TEAD1: variants seen among roughly 807,000 people sequenced by gnomAD.
TEAD1 encodes the protein TEA domain transcription factor 1.
TEAD1 carries 9 observed loss-of-function variants against 54.9 expected under a neutral mutation model. That is an observed-to-expected ratio of 0.16 (90% confidence interval 0.10 to 0.29). TEAD1 has a LOEUF of 0.29. Ranked by LOEUF, TEAD1 falls within the 10% of genes least tolerant of loss-of-function variation. The pLI is 1.00. For synonymous variants in TEAD1, 200 were observed against 187.8 expected (o/e 1.07, Z -0.53); for missense variants, 387 against 535.9 (o/e 0.72, Z 2.74).
intron 2 of TEAD1, among the ~76,000 whole-genome samples, chr11:12,704,716 C>T (rs560134210): frequency 6.6e-6 from 1 of 152,306 alleles, no homozygotes; most frequent in South Asian, 2.1e-4. Context: ...ATCTTTGTAT[C>T]CTGCTTGGCA....
At chr11:12,770,661 T>C (rs1392604842) in intron 3 of TEAD1, among the ~76,000 whole-genome samples, 4 of 152,202 alleles carry the variant, frequency 2.6e-5, no homozygotes, top group Non-Finnish European at 4.4e-5. Context: ...GGTCAAGTTA[T>C]TTGCTTGAGG....
chr11:12,904,596 G>A (rs1228878173), intron 10 of TEAD1, among the ~76,000 whole-genome samples: 1 of 152,140 alleles, frequency 6.6e-6, no homozygotes, highest in Non-Finnish European at 1.5e-5. Flanking sequence ...TGAGGAGTCT[G>A]TCACATAATG....
At chr11:12,746,414 T>C (rs1379282491) in intron 2 of TEAD1, among the ~76,000 whole-genome samples, 2 of 152,196 alleles carry the variant, frequency 1.3e-5, no homozygotes, top group Non-Finnish European at 1.5e-5. Flanking sequence ...ATCTGACTTA[T>C]AAATGGTATT....
intron 9 of TEAD1, among the ~76,000 whole-genome samples, chr11:12,895,359 CACAT>C (rs1948292912): frequency 6.6e-6 from 1 of 152,084 alleles, no homozygotes; most frequent in South Asian, 2.1e-4. Context: ...AATAGAAATC[CACAT>C]ATTAAGATGG....
At chr11:12,850,520 C>T (rs891028568) in intron 3 of TEAD1, among the ~76,000 whole-genome samples, 2 of 152,162 alleles carry the variant, frequency 1.3e-5, no homozygotes, top group Non-Finnish European at 2.9e-5. Flanking sequence ...CAGCAGCCCT[C>T]TAGAGTAGGA....
chr11:12,912,217 G>A (rs759138994), intron 10 of TEAD1, among the ~76,000 whole-genome samples: 1 of 152,098 alleles, frequency 6.6e-6, no homozygotes, highest in Non-Finnish European at 1.5e-5. Flanking sequence ...TGGAAAACTG[G>A]GAAGCAGATG....
At chr11:12,802,545 A>G (rs1468894386) in intron 3 of TEAD1, among the ~76,000 whole-genome samples, 1 of 152,138 alleles carries the variant, frequency 6.6e-6, no homozygotes, top group East Asian at 1.9e-4. Flanking sequence ...ACTATTTAGG[A>G]AAGTGCCTGA....
chr11:12,845,819 T>C (rs1243122847), intron 3 of TEAD1, among the ~76,000 whole-genome samples: 1 of 152,184 alleles, frequency 6.6e-6, no homozygotes, highest in Non-Finnish European at 1.5e-5. Context: ...CAAATGCACA[T>C]AGAATTGGTC....
chr11:12,694,288 A>AT (rs1943529565), intron 2 of TEAD1, among the ~76,000 whole-genome samples: 1 of 149,626 alleles, frequency 6.7e-6, no homozygotes, highest in Non-Finnish European at 1.5e-5. Context: ...AAAGGAGAGA[A>AT]AAAAGAGAGA....
At chr11:12,789,985 C>G (rs148340472) in intron 3 of TEAD1, among the ~76,000 whole-genome samples, 1 of 152,276 alleles carries the variant, frequency 6.6e-6, no homozygotes, top group East Asian at 1.9e-4. Flanking sequence ...CTATTTAAAT[C>G]TATCACTCGT....
Position 12,812,729 on chromosome 11 carries a change from A to T in TEAD1, c.202+48295A>T, listed in dbSNP as rs575293471. On this transcript the variant is annotated intron_variant, in intron 3 of 12. Coordinates refer to ENST00000527636, the MANE Select transcript of TEAD1 (RefSeq NM_021961.6). The stretch of plus-strand genomic sequence containing the variant: ...CTCTTGGTACATGTGAATCCACTAC[A>T]TCCAGAATCAGGCCATGCATCTTCA... Among the ~76,000 whole-genome samples the T allele has an allele frequency of 3.1e-4, 47 of 152,330 alleles. No homozygotes were observed. The South Asian group carries it at 9.7e-3, about 32-fold the overall frequency.
At chr11:12,844,780 A>G (rs540100705) in intron 3 of TEAD1, among the ~76,000 whole-genome samples, 38 of 152,136 alleles carry the variant, frequency 2.5e-4, no homozygotes, top group African/African-American at 8.4e-4. Context: ...GGCTTACCCA[A>G]CGATTGATAT....
intron 9 of TEAD1, among the ~76,000 whole-genome samples, chr11:12,895,203 C>CT (rs903152223): frequency 1.3e-5 from 2 of 152,116 alleles, no homozygotes; most frequent in African/African-American, 4.8e-5. Flanking sequence ...TTATTAACCC[C>CT]CCCCGGGTAT....
At chr11:12,907,239 C>T (rs1322301650) in intron 10 of TEAD1, among the ~76,000 whole-genome samples, 1 of 152,122 alleles carries the variant, frequency 6.6e-6, no homozygotes, top group African/African-American at 2.4e-5. Flanking sequence ...GTGTGTGTAA[C>T]GTATGCTTCA....
At chr11:12,909,580 C>A (rs1948582263) in intron 10 of TEAD1, among the ~76,000 whole-genome samples, 1 of 152,078 alleles carries the variant, frequency 6.6e-6, no homozygotes, top group African/African-American at 2.4e-5. Flanking sequence ...TGCCACAGAC[C>A]ACCATGGCAC....
At chr11:12,836,437 T>A (rs199538917) in intron 3 of TEAD1, among the ~76,000 whole-genome samples, 5 of 125,338 alleles carry the variant, frequency 4.0e-5, no homozygotes, top group South Asian at 2.6e-4. Flanking sequence ...AAAAAAAAAA[T>A]TGTTGCTTTT....
chr11:12,683,161 A>G (rs1465458174), intron 2 of TEAD1, among the ~76,000 whole-genome samples: 1 of 152,228 alleles, frequency 6.6e-6, no homozygotes, highest in Non-Finnish European at 1.5e-5. Context: ...TGTAGGCATA[A>G]GATTGATAGA....
intron 3 of TEAD1, among the ~76,000 whole-genome samples, chr11:12,794,245 C>G (rs1219300233): frequency 1.3e-5 from 2 of 152,164 alleles, no homozygotes; most frequent in Non-Finnish European, 2.9e-5. Flanking sequence ...AGTACATGTT[C>G]ATTAATTATT....
At chr11:12,682,484 A>AT (rs925121724) in intron 2 of TEAD1, among the ~76,000 whole-genome samples, 2 of 152,140 alleles carry the variant, frequency 1.3e-5, no homozygotes, top group African/African-American at 4.8e-5. Context: ...AGTAGCAGGG[A>AT]TGCTCCTAGA....
Sources: allele counts gnomAD v4.1 joint callset (sites outside exome capture counted in the v4.1 genomes callset), GRCh38; gene constraint gnomAD v4.1.1; transcripts MANE v1.5; gene names NCBI Gene and HGNC (gene_info 2026-07-23, HGNC 2026-07-21).